The following PRDM11 variants were observed in gnomAD, a reference collection of about 807,000 sequenced individuals.
PRDM11 encodes the protein PR domain-containing protein 11.
PRDM11 carries 20 observed loss-of-function variants against 97.8 expected under a neutral mutation model. That is an observed-to-expected ratio of 0.20 (90% CI 0.14 to 0.30). The LOEUF (loss-of-function observed/expected upper bound fraction) is 0.30, where lower values mean the gene tolerates loss of function less well. Ranked by LOEUF, PRDM11 falls within the 10% of genes least tolerant of loss-of-function variation. PRDM11 has a pLI of 1.00. For synonymous variants in PRDM11, 599 were observed against 637.7 expected (o/e 0.94, Z 0.91); for missense variants, 1,139 against 1,555.2 (o/e 0.73, Z 4.50).
chr11:45,226,263 C>T lies in PRDM11; in HGVS notation c.1638C>T (p.Ile546=), dbSNP rs1224243020. 1.3e-6 allele frequency: 2 copies of T among 1,534,020 alleles called. No homozygotes were observed. The highest frequency in any genetic ancestry group is 1.2e-5 in the South Asian group (1 of 83,974). The change falls in exon 8 of 8, where the codon ATC becomes ATT. Residue 546 remains isoleucine, a synonymous_variant. Coordinates refer to ENST00000683152, the MANE Select transcript of PRDM11 (RefSeq NM_001384648.1). ...TVQSSRTSAF[I]IGSKQFKIHT... The stretch of plus-strand genomic sequence containing the variant: ...AGTCCTCACGCACCTCGGCCTTCAT[C>T]ATTGGCTCCAAGCAGTTTAAGATTC...
chr11:45,225,674 C>G (rs1854258018), intron 7 of PRDM11, among the ~76,000 whole-genome samples: 1 of 152,220 alleles, frequency 6.6e-6, no homozygotes, highest in African/African-American at 2.4e-5. Flanking sequence ...ATTAGATCTA[C>G]TCTCCTAGCT....
At chr11:45,184,671 TG>T (rs11300354) in intron 4 of PRDM11, among the ~76,000 whole-genome samples, 23,586 of 152,032 alleles carry the variant, frequency 0.16, 2,229 homozygotes, top group African/African-American at 0.26. Flanking sequence ...GGAAGGGGAC[TG>T]GGTTGAGGGA....
intron 1 of PRDM11, among the ~76,000 whole-genome samples, chr11:45,159,311 G>A (rs1296851543): frequency 6.6e-6 from 1 of 152,232 alleles, no homozygotes; most frequent in African/African-American, 2.4e-5. Flanking sequence ...CTCCTGGCCT[G>A]GCAGCAGTCT....
At chr11:45,139,055 A>G (rs552652258) in intron 1 of PRDM11, among the ~76,000 whole-genome samples, 1 of 152,242 alleles carries the variant, frequency 6.6e-6, no homozygotes, top group African/African-American at 2.4e-5. Flanking sequence ...GGCATGAAAG[A>G]TGAGTAAACA....
chr11:45,172,727 G>A (rs1268004804), intron 1 of PRDM11, among the ~76,000 whole-genome samples: 4 of 152,190 alleles, frequency 2.6e-5, no homozygotes, highest in Non-Finnish European at 5.9e-5. Flanking sequence ...GTAATCTAGA[G>A]ATGATTTAAA....
chr11:45,227,626 C>T lies in PRDM11; in HGVS notation c.3001C>T (p.Leu1001=), dbSNP rs556499026. The T allele has an allele frequency of 6.2e-4, 958 of 1,533,802 alleles. 1 individual carries two copies. The highest frequency in any genetic ancestry group is 7.1e-4 in the Non-Finnish European group (815 of 1,146,736). Residue 1001 remains leucine (L), a synonymous_variant, in exon 8 of 8, where the codon CTG becomes TTG. Transcript: ENST00000683152. This position sits in a 1 kb window ranked among gnomAD's most constrained non-coding sequence, Gnocchi z 8.0. Reference sequence around the variant, plus strand: ...TGCCTGGCCCAGGAGCAGTGAGGAGCTGATGAGCTATGGCAAGGAGGATAT... The same window carrying T: ...TGCCTGGCCCAGGAGCAGTGAGGAGTTGATGAGCTATGGCAAGGAGGATAT... ...LAAWPRSSEE[L]MSYGKEDMVQ...
Position 45,182,910 on chromosome 11 carries a change from C to T in PRDM11, c.273C>T (p.Gly91=), listed in dbSNP as rs374034058. 2.5e-6 allele frequency: 4 copies of T among 1,609,670 alleles called. No individual in the cohort carries two copies. The African/African-American group carries it at 5.3e-5, about 22-fold the overall frequency. Residue 91 remains glycine, a synonymous_variant, in exon 4 of 8, where the codon GGC becomes GGT. Coordinates refer to ENST00000683152, the MANE Select transcript of PRDM11 (RefSeq NM_001384648.1). ...EYFVDECPNH[G]PPVFVSDTPV... ...TCGTGGATGAATGCCCAAACCATGG[C>T]CCCCCGGTGTTTGTGTCTGACACAC... is the stretch of plus-strand genomic sequence containing the variant.
At chr11:45,206,731 A>G (rs1262514123) in intron 5 of PRDM11, among the ~76,000 whole-genome samples, 1 of 152,140 alleles carries the variant, frequency 6.6e-6, no homozygotes, top group Non-Finnish European at 1.5e-5. Context: ...GGTATTTTTA[A>G]AGCTAGTGAT....
chr11:45,097,852 A>C (rs1851910264), intron 1 of PRDM11, among the ~76,000 whole-genome samples: 1 of 152,202 alleles, frequency 6.6e-6, no homozygotes, highest in South Asian at 2.1e-4. Flanking sequence ...TGGCAGGAGG[A>C]AGTGGGGAGT....
At chr11:45,120,993 C>T (rs1852418581) in intron 1 of PRDM11, among the ~76,000 whole-genome samples, 1 of 152,026 alleles carries the variant, frequency 6.6e-6, no homozygotes, top group African/African-American at 2.4e-5. Flanking sequence ...TGTAATAATT[C>T]AGGGATGCAG....
chr11:45,109,641 A>ATGGT (rs1852132742), intron 1 of PRDM11, among the ~76,000 whole-genome samples: 2 of 152,176 alleles, frequency 1.3e-5, no homozygotes, highest in Admixed American at 1.3e-4. Context: ...GAGATGGAAC[A>ATGGT]GGGCAGATTT....
At chr11:45,184,758 C>T (rs1231708237) in intron 4 of PRDM11, among the ~76,000 whole-genome samples, 1 of 151,958 alleles carries the variant, frequency 6.6e-6, no homozygotes, top group Non-Finnish European at 1.5e-5. Flanking sequence ...GTCAAGTAGG[C>T]AGTTGGATAT....
At chr11:45,115,041 G>A (rs1044274133) in intron 1 of PRDM11, among the ~76,000 whole-genome samples, 33 of 151,878 alleles carry the variant, frequency 2.2e-4, no homozygotes, top group Admixed American at 1.6e-3. Flanking sequence ...CATGTAAATC[G>A]TTATAAAGGA....
intron 1 of PRDM11, among the ~76,000 whole-genome samples, chr11:45,136,764 T>C (rs1442556540): frequency 6.6e-6 from 1 of 151,844 alleles, no homozygotes; most frequent in Non-Finnish European, 1.5e-5. Flanking sequence ...TGGACCACCA[T>C]AGTCCTTTCC....
intron 1 of PRDM11, among the ~76,000 whole-genome samples, chr11:45,104,791 C>T (rs1852032973): frequency 6.6e-6 from 1 of 152,180 alleles, no homozygotes; most frequent in African/African-American, 2.4e-5. Flanking sequence ...AATATCATCC[C>T]AGCCCTGAGG....
At chr11:45,099,096 C>T (rs1851928907) in intron 1 of PRDM11, among the ~76,000 whole-genome samples, 1 of 152,064 alleles carries the variant, frequency 6.6e-6, no homozygotes, top group African/African-American at 2.4e-5. Context: ...GAAGGCTAGA[C>T]TGGGGCAGGG....
intron 1 of PRDM11, among the ~76,000 whole-genome samples, chr11:45,096,359 A>G (rs1431658699): frequency 6.6e-6 from 1 of 152,258 alleles, no homozygotes; most frequent in African/African-American, 2.4e-5. Context: ...TGGATGCTTT[A>G]GGTAAACCAT....
At chr11:45,208,886 C>A (rs1565326770) in intron 5 of PRDM11, 4 of 447,404 alleles carry the variant, frequency 8.9e-6, no homozygotes, top group Non-Finnish European at 1.8e-5. Flanking sequence ...ATGTGGCACA[C>A]CTGGCTGAGC....
chr11:45,209,508 G>A lies in PRDM11; in HGVS notation c.554+4730G>A, dbSNP rs190311906. ...TACTGAGCATCTCCGTGCCAGAGCCGTGCTAGGAGCTGGGAAGACAGCTGT... is the reference window on the plus strand; with the variant it reads ...TACTGAGCATCTCCGTGCCAGAGCCATGCTAGGAGCTGGGAAGACAGCTGT... On this transcript the variant is annotated intron_variant, in intron 5 of 7. Coordinates refer to ENST00000683152, the MANE Select transcript of PRDM11 (RefSeq NM_001384648.1). 7.4e-4 allele frequency among the ~76,000 whole-genome samples: 112 copies of A among 152,306 alleles called. 2 individuals are homozygous for A. In the East Asian group the frequency reaches 0.015, roughly 20 times the overall value.
Sources: gnomAD v4.1 joint callset for allele counts (sites outside exome capture counted in the v4.1 genomes callset) on GRCh38, gnomAD v4.1.1 for gene constraint, Gnocchi (gnomAD v3.1) non-coding constraint, MANE v1.5 for transcripts, NCBI Gene and HGNC (gene_info 2026-07-23, HGNC 2026-07-21) for gene names.